Variants in NALF1 observed in about 807,000 individuals in gnomAD.
NALF1 encodes the protein family with sequence similarity 155 member A.
In NALF1, 3 loss-of-function variants were observed where a neutral mutation model predicts 48.4. The observed-to-expected ratio is 0.06, with a 90% confidence interval of 0.03 to 0.16. The LOEUF (loss-of-function observed/expected upper bound fraction) is 0.16, where lower values mean the gene tolerates loss of function less well. Ranked by LOEUF, NALF1 falls within the 10% of genes least tolerant of loss-of-function variation. The pLI is 1.00. For missense variants in NALF1, 526 were observed against 571.5 expected, an observed-to-expected ratio of 0.92 and a Z score of 0.81; for synonymous variants, 262 against 245.7, an observed-to-expected ratio of 1.07 and a Z score of -0.62.
chr13:107,763,472 A>C (rs1269491279), intron 1 of NALF1, among the ~76,000 whole-genome samples: 1 of 95,938 alleles, frequency 1.0e-5, no homozygotes, highest in African/African-American at 5.4e-5. Flanking sequence ...ATTAAAATTC[A>C]AAAAAAAAAA....
chr13:107,265,315 TTTAA>T (rs1313943370), intron 1 of NALF1, among the ~76,000 whole-genome samples: 3 of 152,254 alleles, frequency 2.0e-5, no homozygotes, highest in Non-Finnish European at 4.4e-5. Flanking sequence ...ATTATTAATA[TTTAA>T]TTACCTTTGT....
Position 107,620,578 on chromosome 13 carries a change from G to C in NALF1, c.915+245104C>G, listed in dbSNP as rs141647334. On this transcript the variant is annotated intron_variant, in intron 1 of 2. Coordinates refer to ENST00000375915, the MANE Select transcript of NALF1 (RefSeq NM_001080396.3). ...GTTTCTGATACTGTTGCACCAAAAT[G>C]ACTTGGTCCCAGCAGTGAGCACTCT... Among the ~76,000 whole-genome samples the C allele has an allele frequency of 3.2e-3, 487 of 152,264 alleles. 3 individuals carry two copies. Among genetic ancestry groups the C allele is most frequent in the African/African-American group, 0.011 (455 of 41,554 alleles).
intron 1 of NALF1, among the ~76,000 whole-genome samples, chr13:107,243,460 G>A (rs763123674): frequency 8.5e-5 from 13 of 152,268 alleles, no homozygotes; most frequent in Admixed American, 2.6e-4. Context: ...AATGCATGCC[G>A]TTGATGTATT....
intron 1 of NALF1, among the ~76,000 whole-genome samples, chr13:107,213,025 T>G (rs1384873833): frequency 6.6e-6 from 1 of 151,980 alleles, no homozygotes; most frequent in African/African-American, 2.4e-5. Flanking sequence ...GAATAGGGAA[T>G]CGCATCCTGC....
At chr13:107,510,479 T>G (rs916551346) in intron 1 of NALF1, among the ~76,000 whole-genome samples, 1 of 152,224 alleles carries the variant, frequency 6.6e-6, no homozygotes, top group Non-Finnish European at 1.5e-5. Flanking sequence ...TACAGATTTC[T>G]AAGGCAGCAC....
At chr13:107,213,894 C>T (rs1283028882) in intron 1 of NALF1, among the ~76,000 whole-genome samples, 1 of 152,094 alleles carries the variant, frequency 6.6e-6, no homozygotes, top group East Asian at 1.9e-4. Context: ...TTACAGTTAT[C>T]TCGTGTCTGA....
chr13:107,218,298 C>T (rs538440819), intron 1 of NALF1, among the ~76,000 whole-genome samples: 1 of 152,352 alleles, frequency 6.6e-6, no homozygotes, highest in Admixed American at 6.5e-5. Flanking sequence ...GTCTTCTCGT[C>T]TGCCTCCTTC....
intron 1 of NALF1, among the ~76,000 whole-genome samples, chr13:107,300,532 T>C (rs754188055): frequency 6.2e-4 from 94 of 152,360 alleles, no homozygotes; most frequent in Non-Finnish European, 1.2e-3. Context: ...ACTTTACAAG[T>C]ATACTTGTTT....
At chr13:107,324,391 A>C (rs1212117316) in intron 1 of NALF1, among the ~76,000 whole-genome samples, 13 of 152,204 alleles carry the variant, frequency 8.5e-5, no homozygotes, top group Non-Finnish European at 4.4e-5. Flanking sequence ...GACAACCTCA[A>C]TTTGCATTTC....
At chr13:107,835,651 T>C (rs372847331) in intron 1 of NALF1, among the ~76,000 whole-genome samples, 9 of 152,274 alleles carry the variant, frequency 5.9e-5, no homozygotes, top group African/African-American at 2.2e-4. Flanking sequence ...GACTCAGGGC[T>C]TAGTTAGTTA....
chr13:107,368,014 T>C (rs9301214), intron 1 of NALF1, among the ~76,000 whole-genome samples: 51,531 of 152,066 alleles, frequency 0.34, 8,799 homozygotes, highest in East Asian at 0.51. Flanking sequence ...TGTGAATAAT[T>C]TGAGCGTTTT....
chr13:107,578,099 T>C (rs1009702208), intron 1 of NALF1, among the ~76,000 whole-genome samples: 2 of 152,222 alleles, frequency 1.3e-5, no homozygotes, highest in Admixed American at 1.3e-4. Context: ...CTCCTCGTTT[T>C]ACTCATTGTG....
rs575224584 is a variant in NALF1, at chr13:107,775,195, TCCCTCCC to T, written c.915+90480_915+90486del. 1.2e-4 allele frequency among the ~76,000 whole-genome samples: 14 copies of T among 117,338 alleles called. No individual in the cohort carries two copies. The South Asian group carries it at 3.9e-3, about 33-fold the overall frequency. The allele number at this position is 117,338 out of a possible 152,430, so 77.0% of individuals were successfully genotyped here. A position where few individuals can be genotyped will look rare whatever the true frequency, so the allele number is the denominator to read the frequency against. On this transcript the variant is annotated intron_variant, in intron 1 of 2. Coordinates refer to ENST00000375915, the MANE Select transcript of NALF1 (RefSeq NM_001080396.3). ...GCATTAGGTATATCTCCCAGTGCTA[TCCCTCCC>T]CCCTCCCCCCACCCCACAACAGTCC...
At chr13:107,738,343 G>T (rs553112827) in intron 1 of NALF1, among the ~76,000 whole-genome samples, 1 of 152,242 alleles carries the variant, frequency 6.6e-6, no homozygotes, top group Admixed American at 6.5e-5. Flanking sequence ...TGGCATTTAC[G>T]CATTCTGTGG....
At chr13:107,577,789 A>G (rs550697791) in intron 1 of NALF1, among the ~76,000 whole-genome samples, 4 of 152,258 alleles carry the variant, frequency 2.6e-5, no homozygotes, top group African/African-American at 9.6e-5. Context: ...ATGCTGCTTC[A>G]TCCCGGATCT....
chr13:107,821,629 A>G (rs1879364095), intron 1 of NALF1, among the ~76,000 whole-genome samples: 1 of 152,208 alleles, frequency 6.6e-6, no homozygotes, highest in African/African-American at 2.4e-5. Context: ...AGAAATACTG[A>G]GAAACTGTCA....
intron 1 of NALF1, among the ~76,000 whole-genome samples, chr13:107,808,037 AAG>A (rs948138281): frequency 2.0e-5 from 3 of 152,164 alleles, no homozygotes; most frequent in African/African-American, 7.2e-5. Flanking sequence ...AAGAATCTTT[AAG>A]AGAAAAATGA....
rs75882859 is a variant in NALF1, at chr13:107,809,377, A to C, written c.915+56305T>G. 6.9e-3 allele frequency among the ~76,000 whole-genome samples: 1,055 copies of C among 152,152 alleles called. 2 individuals are homozygous for C. Among genetic ancestry groups the C allele is most frequent in the Non-Finnish European group, 0.011 (744 of 67,994 alleles). ...CCCTCTTAGTGCCTCCCAACTCTTG[A>C]ACAATTACTGAGATAAGCAGTTACT... On this transcript the variant is annotated intron_variant, in intron 1 of 2. Transcript: ENST00000375915.
intron 1 of NALF1, among the ~76,000 whole-genome samples, chr13:107,627,317 T>C (rs768770341): frequency 7.2e-5 from 11 of 152,158 alleles, no homozygotes; most frequent in Non-Finnish European, 1.5e-4. Flanking sequence ...CTTGATTCTA[T>C]CATACTAATT....
Sources: allele counts gnomAD v4.1 joint callset (sites outside exome capture counted in the v4.1 genomes callset), GRCh38; gene constraint gnomAD v4.1.1; transcripts MANE v1.5; gene names NCBI Gene and HGNC (gene_info 2026-07-23, HGNC 2026-07-21).